PPARG: variants seen among roughly 807,000 people sequenced by gnomAD.
PPARG encodes the protein peroxisome proliferator-activated receptor gamma.
PPARG carries 17 observed loss-of-function variants against 39.2 expected under a neutral mutation model. That is an observed-to-expected ratio of 0.43 (90% CI 0.30 to 0.65). The LOEUF is 0.65. PPARG is among the 30% of genes least tolerant of loss of function. PPARG has a pLI of 0.13. For missense variants in PPARG, 406 were observed against 585.9 expected (o/e 0.69, Z 3.17); for synonymous variants, 223 against 215.7 (o/e 1.03, Z -0.30).
intron 1 of PPARG, among the ~76,000 whole-genome samples, chr3:12,296,080 C>T (rs1160095284): frequency 2.0e-5 from 3 of 151,374 alleles, no homozygotes; most frequent in South Asian, 4.2e-4. Flanking sequence ...GGCAGAACCC[C>T]GTCTCTACAA....
intron 6 of PPARG, among the ~76,000 whole-genome samples, chr3:12,407,151 T>TTTGTTG (rs577888550): frequency 1.3e-5 from 2 of 151,558 alleles, no homozygotes; most frequent in African/African-American, 2.4e-5. Context: ...TGTACCTCAG[T>TTTGTTG]TTGTTGTTGT....
intron 2 of PPARG, among the ~76,000 whole-genome samples, chr3:12,377,976 T>C (rs2921190): frequency 0.55 from 82,917 of 151,968 alleles, 23,331 homozygotes; most frequent in African/African-American, 0.68. Flanking sequence ...TATCCATTTC[T>C]AGAAAGAAGA....
chr3:12,332,772 T>G (rs527735920), intron 2 of PPARG, among the ~76,000 whole-genome samples: 1 of 152,288 alleles, frequency 6.6e-6, no homozygotes, highest in East Asian at 1.9e-4. Flanking sequence ...GACTCAGGCC[T>G]ATAGTCCCAG....
intron 2 of PPARG, among the ~76,000 whole-genome samples, chr3:12,343,861 A>ATT (rs3031383): frequency 0.4 from 52,393 of 130,844 alleles, 11,323 homozygotes; most frequent in Middle Eastern, 0.48. Flanking sequence ...ATCTCACCGA[A>ATT]TTTTTTTTTT....
At chr3:12,419,709 C>T (rs774765984) in intron 7 of PPARG, among the ~76,000 whole-genome samples, 1 of 152,070 alleles carries the variant, frequency 6.6e-6, no homozygotes, top group African/African-American at 2.4e-5. Context: ...CCTCATGATC[C>T]ACCTGCCTCA....
chr3:12,375,137 G>C (rs1042213083), intron 2 of PPARG, among the ~76,000 whole-genome samples: 13 of 151,956 alleles, frequency 8.6e-5, no homozygotes, highest in Admixed American at 8.5e-4. Context: ...CTATATTCCC[G>C]GAAGTTTGGG....
intron 2 of PPARG, among the ~76,000 whole-genome samples, chr3:12,353,414 C>T (rs534094409): frequency 6.6e-6 from 1 of 152,254 alleles, no homozygotes; most frequent in African/African-American, 2.4e-5. Flanking sequence ...ATTACTCCAC[C>T]TCTTCCAAAA....
intron 6 of PPARG, among the ~76,000 whole-genome samples, chr3:12,415,234 T>C (rs890452956): frequency 1.3e-5 from 2 of 152,174 alleles, no homozygotes; most frequent in African/African-American, 4.8e-5. Flanking sequence ...ACACACATCC[T>C]GCTTCTGAGA....
chr3:12,363,788 C>A (rs1162666401), intron 2 of PPARG, among the ~76,000 whole-genome samples: 1 of 152,180 alleles, frequency 6.6e-6, no homozygotes, highest in African/African-American at 2.4e-5. Flanking sequence ...CCTATCACTG[C>A]AAAGCCAAAA....
intron 2 of PPARG, among the ~76,000 whole-genome samples, chr3:12,333,842 G>C (rs2125053216): frequency 6.6e-6 from 1 of 152,258 alleles, no homozygotes; most frequent in South Asian, 2.1e-4. Context: ...CATGGTTGCT[G>C]TCTTTCAAAA....
chr3:12,381,580 A>C, intron 4 of PPARG, 89 bp downstream of exon 4: 1 of 1,390,136 alleles, frequency 7.2e-7, no homozygotes, highest in Non-Finnish European at 1.0e-6. Flanking sequence ...ACAATATATG[A>C]ATTTTTTTTC....
intron 1 of PPARG, among the ~76,000 whole-genome samples, chr3:12,311,828 G>A (rs2047254732): frequency 1.3e-5 from 2 of 152,152 alleles, no homozygotes; most frequent in African/African-American, 4.8e-5. Flanking sequence ...TCTGCTTCGT[G>A]AGGGGTGTGC....
intron 2 of PPARG, among the ~76,000 whole-genome samples, chr3:12,372,717 A>G (rs940438782): frequency 6.6e-6 from 1 of 152,020 alleles, no homozygotes; most frequent in Non-Finnish European, 1.5e-5. Flanking sequence ...CCACTTCCAT[A>G]CTCCCAAATA....
At chr3:12,295,944 A>G (rs951857021) in intron 1 of PPARG, among the ~76,000 whole-genome samples, 1 of 152,146 alleles carries the variant, frequency 6.6e-6, no homozygotes, top group Non-Finnish European at 1.5e-5. Flanking sequence ...CTTAGTAGGC[A>G]CTTAAATGTT....
intron 2 of PPARG, among the ~76,000 whole-genome samples, chr3:12,332,030 A>G (rs568249166): frequency 1.3e-5 from 2 of 152,334 alleles, no homozygotes; most frequent in South Asian, 4.1e-4. Flanking sequence ...TTGAAACTAT[A>G]TGTGTGGAGA....
intron 5 of PPARG, among the ~76,000 whole-genome samples, chr3:12,395,761 C>A (rs1031786387): frequency 1.3e-5 from 2 of 152,164 alleles, no homozygotes; most frequent in Admixed American, 1.3e-4. Flanking sequence ...TGGGTTAATT[C>A]CACCGATTGC....
intron 2 of PPARG, among the ~76,000 whole-genome samples, chr3:12,316,732 A>T (rs572171882): frequency 7.5e-4 from 113 of 150,792 alleles, no homozygotes; most frequent in South Asian, 1.3e-3. Flanking sequence ...TTTTTTTTTT[A>T]AAAAATCTAA....
intron 4 of PPARG, 60 bp from the exon 5 acceptor site, chr3:12,392,554 G>C: frequency 6.3e-7 from 1 of 1,588,436 alleles, no homozygotes; most frequent in African/African-American, 1.3e-5. Context: ...TTTCGCTGTA[G>C]GTTGCTGCTT....
chr3:12,298,330 A>G (rs1192040446), intron 1 of PPARG, among the ~76,000 whole-genome samples: 1 of 149,026 alleles, frequency 6.7e-6, no homozygotes, highest in Non-Finnish European at 1.5e-5. Flanking sequence ...AAAAAAAAGA[A>G]ATGTAAAATA....
Sources: gnomAD v4.1 joint callset for allele counts (sites outside exome capture counted in the v4.1 genomes callset) on GRCh38, gnomAD v4.1.1 for gene constraint, MANE v1.5 for transcripts, NCBI Gene and HGNC (gene_info 2026-07-23, HGNC 2026-07-21) for gene names.